The following ASTN2 variants were observed in gnomAD, a reference collection of about 807,000 sequenced individuals.
The protein encoded by ASTN2 is astrotactin 2.
Under a neutral mutation model 139.8 loss-of-function variants are expected in ASTN2, and 54 were observed. The ratio of observed to expected loss-of-function variants is 0.39; its 90% CI spans 0.31 to 0.48. The LOEUF (loss-of-function observed/expected upper bound fraction) is 0.48. Among genes scored for constraint, ASTN2 ranks in the 20% least tolerant of loss-of-function variants. The probability of loss-of-function intolerance (pLI) is 0.95; values close to 1 mark genes in which losing one functional copy is unlikely to be tolerated. For synonymous variants in ASTN2, 756 were observed against 719.5 expected (o/e 1.05, Z -0.81); for missense variants, 1,565 against 1,725.1 (o/e 0.91, Z 1.64).
intron 13 of ASTN2, among the ~76,000 whole-genome samples, chr9:116,755,188 G>A (rs138743425): frequency 2.0e-5 from 3 of 152,158 alleles, no homozygotes; most frequent in African/African-American, 7.2e-5. Flanking sequence ...TAATGACCTT[G>A]AAAGATATTC....
chr9:116,425,552 T>C lies in ASTN2; in HGVS notation c.*299A>G, dbSNP rs748342020. On this transcript the variant is annotated 3_prime_UTR_variant, in exon 23 of 23. Transcript: ENST00000313400. ...GGCCGCTTGGTCTCCACCTGAAAAC[T>C]TCTGCCTCGGGATTGACAGCCATCC... 1 of 1,612,474 alleles carries C rather than the reference T, an allele frequency of 6.2e-7. No homozygotes were observed. The highest frequency in any genetic ancestry group is 2.2e-5 in the East Asian group (1 of 44,876).
intron 20 of ASTN2, among the ~76,000 whole-genome samples, chr9:116,457,571 T>C (rs1233044349): frequency 6.6e-6 from 1 of 152,090 alleles, no homozygotes; most frequent in Non-Finnish European, 1.5e-5. Flanking sequence ...AAAGAAGACA[T>C]ACAAATGGCA....
intron 1 of ASTN2, among the ~76,000 whole-genome samples, chr9:117,370,891 A>G (rs979678809): frequency 6.6e-6 from 1 of 152,050 alleles, no homozygotes; most frequent in Non-Finnish European, 1.5e-5. Flanking sequence ...TAAATTCTAC[A>G]TTATCAAATG....
intron 13 of ASTN2, among the ~76,000 whole-genome samples, chr9:116,804,466 T>A (rs369273160): frequency 1.1e-4 from 17 of 152,234 alleles, no homozygotes; most frequent in African/African-American, 4.1e-4. Flanking sequence ...CTCTTCTGTA[T>A]AAAAAGGATG....
At chr9:116,491,460 G>A (rs951637710) in intron 19 of ASTN2, among the ~76,000 whole-genome samples, 10 of 152,116 alleles carry the variant, frequency 6.6e-5, no homozygotes, top group Admixed American at 6.6e-5. Context: ...GTTTCTCAAT[G>A]CTATTCAATT....
intron 1 of ASTN2, among the ~76,000 whole-genome samples, chr9:117,383,388 C>T (rs902609947): frequency 6.6e-6 from 1 of 152,180 alleles, no homozygotes; most frequent in South Asian, 2.1e-4. Context: ...TACTCAGGAA[C>T]TTGCTGGGGT....
intron 3 of ASTN2, among the ~76,000 whole-genome samples, chr9:117,194,520 TG>T (rs2132976164): frequency 6.6e-6 from 1 of 152,354 alleles, no homozygotes; most frequent in East Asian, 1.9e-4. Context: ...ATTTTAGAGA[TG>T]TGCGCACACA....
At chr9:116,832,940 T>TTTTATTTATTTATTTATTTATTTATTTA (rs376636277) in intron 11 of ASTN2, among the ~76,000 whole-genome samples, 7 of 149,924 alleles carry the variant, frequency 4.7e-5, no homozygotes, top group East Asian at 4.0e-4. Context: ...TTTTGTTTTG[T>TTTTATTTATTTATTTATTTATTTATTTA]TTTATTTATT....
intron 10 of ASTN2, among the ~76,000 whole-genome samples, chr9:116,885,042 A>T (rs913928026): frequency 1.3e-5 from 2 of 151,954 alleles, no homozygotes; most frequent in African/African-American, 4.8e-5. Flanking sequence ...TAAGGACAAC[A>T]GTCATATGGG....
At chr9:116,455,983 C>T (rs2118943788) in intron 20 of ASTN2, among the ~76,000 whole-genome samples, 1 of 152,218 alleles carries the variant, frequency 6.6e-6, no homozygotes, top group South Asian at 2.1e-4. Flanking sequence ...ACTCTCATCA[C>T]TGTTACTCAA....
rs546416576 is a variant in ASTN2 at position 116,714,738 on chromosome 9, GTTCCTGCTA to G, written c.2806+11024_2806+11032del. On this transcript the variant is annotated intron_variant, in intron 16 of 22. Coordinates refer to ENST00000313400, the MANE Select transcript of ASTN2 (RefSeq NM_001365068.1). ...TGCATCAATGACTGACTTGTGCTGA[GTTCCTGCTA>G]TGAGCCACGTAATCACATGATCTCA... Among the ~76,000 whole-genome samples the G allele has an allele frequency of 5.9e-5, 9 of 152,260 alleles. No individual in the cohort carries two copies. The South Asian group carries it at 1.9e-3, about 32-fold the overall frequency.
chr9:116,681,962 T>C (rs1859902521), intron 16 of ASTN2, among the ~76,000 whole-genome samples: 1 of 151,700 alleles, frequency 6.6e-6, no homozygotes, highest in Non-Finnish European at 1.5e-5. Context: ...GACATAGGCA[T>C]GGGCAAGGAC....
chr9:117,344,407 C>T (rs981374777), intron 1 of ASTN2, among the ~76,000 whole-genome samples: 1 of 152,096 alleles, frequency 6.6e-6, no homozygotes, highest in African/African-American at 2.4e-5. Flanking sequence ...GACCCTGCCC[C>T]TCCCCTGCTT....
At chr9:117,339,323 T>C (rs181762102) in intron 1 of ASTN2, among the ~76,000 whole-genome samples, 14 of 152,240 alleles carry the variant, frequency 9.2e-5, no homozygotes, top group Admixed American at 5.9e-4. Context: ...CCACACCGCA[T>C]TGGAGCTGAG....
chr9:117,161,516 C>A (rs971090783), intron 3 of ASTN2, among the ~76,000 whole-genome samples: 8 of 152,174 alleles, frequency 5.3e-5, no homozygotes, highest in Admixed American at 1.3e-4. Flanking sequence ...GCCTCAGCCT[C>A]CCTAGTAACT....
At chr9:116,657,270 T>C (rs1475346844) in intron 16 of ASTN2, among the ~76,000 whole-genome samples, 1 of 152,172 alleles carries the variant, frequency 6.6e-6, no homozygotes, top group African/African-American at 2.4e-5. Context: ...TTATAAATAA[T>C]AGTACCAACC....
chr9:117,349,797 T>C (rs1440531482), intron 1 of ASTN2, among the ~76,000 whole-genome samples: 1 of 152,188 alleles, frequency 6.6e-6, no homozygotes, highest in Non-Finnish European at 1.5e-5. Context: ...AGAGACTCCC[T>C]GATATGATAT....
At chr9:117,243,744 G>A (rs117395309) in intron 2 of ASTN2, among the ~76,000 whole-genome samples, 7 of 152,184 alleles carry the variant, frequency 4.6e-5, no homozygotes, top group South Asian at 2.1e-4. Flanking sequence ...TCTTAACCCC[G>A]CCACCCCTCC....
chr9:116,918,203 A>G (rs763796921), intron 10 of ASTN2, among the ~76,000 whole-genome samples: 1 of 152,166 alleles, frequency 6.6e-6, no homozygotes, highest in Admixed American at 6.5e-5. Flanking sequence ...AGTAGCATAT[A>G]TATGGACTGA....
Sources: gnomAD v4.1 joint callset for allele counts (sites outside exome capture counted in the v4.1 genomes callset) on GRCh38, gnomAD v4.1.1 for gene constraint, MANE v1.5 for transcripts, NCBI Gene and HGNC (gene_info 2026-07-23, HGNC 2026-07-21) for gene names.